The following GPC5 variants were observed in gnomAD, a reference collection of about 807,000 sequenced individuals.
The protein encoded by GPC5 is glypican-5.
In GPC5, 47 loss-of-function variants were observed where a neutral mutation model predicts 53.9. That is an observed-to-expected ratio of 0.87 (90% CI 0.69 to 1.11). GPC5 has a LOEUF of 1.11. GPC5 is among the 50% of genes most tolerant of loss of function. GPC5 has a pLI of 0.00. For missense variants in GPC5, 748 were observed against 713.1 expected, an observed-to-expected ratio of 1.05 and a Z score of -0.56; for synonymous variants, 286 against 263.3, an observed-to-expected ratio of 1.09 and a Z score of -0.84.
intron 7 of GPC5, among the ~76,000 whole-genome samples, chr13:92,201,679 A>G (rs1448909393): frequency 6.6e-6 from 1 of 152,192 alleles, no homozygotes; most frequent in Non-Finnish European, 1.5e-5. Context: ...TTCAGGTACA[A>G]TGCAACTACA....
intron 2 of GPC5, among the ~76,000 whole-genome samples, chr13:91,622,644 G>T (rs751020978): frequency 4.6e-5 from 7 of 152,134 alleles, no homozygotes. Flanking sequence ...TTGCACAGCA[G>T]TACACATGCC....
chr13:92,555,039 A>T (rs1273441863), intron 7 of GPC5, among the ~76,000 whole-genome samples: 2 of 151,166 alleles, frequency 1.3e-5, no homozygotes, highest in Admixed American at 1.3e-4. Flanking sequence ...CTTTTTCAAG[A>T]TTATAAAAAT....
chr13:92,864,457 A>G (rs1380158900), intron 7 of GPC5, among the ~76,000 whole-genome samples: 1 of 152,178 alleles, frequency 6.6e-6, no homozygotes, highest in Non-Finnish European at 1.5e-5. Flanking sequence ...TAAGCTCAGA[A>G]TGGCATAAGA....
chr13:92,695,511 G>T (rs1369687388), intron 7 of GPC5, among the ~76,000 whole-genome samples: 3 of 149,534 alleles, frequency 2.0e-5, no homozygotes, highest in African/African-American at 4.9e-5. Flanking sequence ...ATTTATATCT[G>T]TTTTTTTTTC....
At chr13:92,762,953 TC>T (rs1875246150) in intron 7 of GPC5, among the ~76,000 whole-genome samples, 1 of 152,030 alleles carries the variant, frequency 6.6e-6, no homozygotes, top group South Asian at 2.1e-4. Flanking sequence ...GATTTCTGTT[TC>T]CTTTTTTTTT....
chr13:92,580,978 T>G (rs921330465), intron 7 of GPC5, among the ~76,000 whole-genome samples: 1 of 152,212 alleles, frequency 6.6e-6, no homozygotes, highest in African/African-American at 2.4e-5. Flanking sequence ...ATATTTATAT[T>G]GTACAATATG....
chr13:92,415,125 A>C (rs1156492800), intron 7 of GPC5, among the ~76,000 whole-genome samples: 1 of 152,200 alleles, frequency 6.6e-6, no homozygotes, highest in African/African-American at 2.4e-5. Context: ...AGATGCGAGA[A>C]ACATAAAGCT....
At chr13:92,421,698 C>CAAAAAAAAAAAAAAAAAAAAA (rs34055682) in intron 7 of GPC5, among the ~76,000 whole-genome samples, 9 of 69,484 alleles carry the variant, frequency 1.3e-4, no homozygotes, top group African/African-American at 5.6e-4. Flanking sequence ...GACTCCGTCT[C>CAAAAAAAAAAAAAAAAAAAAA]AAAAAAAAAA....
At chr13:91,437,279 G>C (rs982675586) in intron 1 of GPC5, among the ~76,000 whole-genome samples, 1 of 152,168 alleles carries the variant, frequency 6.6e-6, no homozygotes, top group Non-Finnish European at 1.5e-5. Context: ...TTTCTTCCTA[G>C]CCTCGATGGT....
At position 91,749,156 on chromosome 13, in the gene GPC5, A is replaced by C. The variant is rs866866410; in HGVS notation, c.1155-7139A>C. ...CATCCAAATAGTGTACATTGTACCC[A>C]TTTTGCATACCTCACCCCACTTCCA... On this transcript the variant is annotated intron_variant, in intron 4 of 7. Transcript: ENST00000377067. Among the ~76,000 whole-genome samples, 34 of 152,160 alleles carry C rather than the reference A, an allele frequency of 2.2e-4. 2 individuals carry two copies. The Middle Eastern group carries it at 0.024, about 107-fold the overall frequency.
chr13:91,924,112 G>A (rs908635888), intron 6 of GPC5, among the ~76,000 whole-genome samples: 1 of 151,952 alleles, frequency 6.6e-6, no homozygotes, highest in Non-Finnish European at 1.5e-5. Context: ...ATTCTTCAGC[G>A]TTTCAAAAAT....
chr13:91,919,446 T>C (rs1362648235), intron 6 of GPC5, among the ~76,000 whole-genome samples: 2 of 152,232 alleles, frequency 1.3e-5, no homozygotes. Context: ...AGACTGTTGA[T>C]GGACTGATCA....
intron 2 of GPC5, among the ~76,000 whole-genome samples, chr13:91,586,000 C>A (rs887950168): frequency 7.3e-6 from 1 of 137,086 alleles, no homozygotes; most frequent in Non-Finnish European, 1.6e-5. Flanking sequence ...TGGTGTACAA[C>A]CCCCCACCCC....
chr13:91,512,113 G>C (rs11841625), intron 2 of GPC5, among the ~76,000 whole-genome samples: 4,151 of 152,206 alleles, frequency 0.027, 179 homozygotes, highest in African/African-American at 0.092. Context: ...AACAGATCAG[G>C]ATCTTTTCAT....
chr13:91,507,423 G>T (rs911986270), intron 2 of GPC5, among the ~76,000 whole-genome samples: 14 of 152,172 alleles, frequency 9.2e-5, no homozygotes, highest in Non-Finnish European at 1.5e-4. Flanking sequence ...TAACAATCAT[G>T]GCGGAAGGCA....
chr13:91,702,833 G>A (rs939824790), intron 3 of GPC5, among the ~76,000 whole-genome samples: 2 of 151,876 alleles, frequency 1.3e-5, no homozygotes, highest in Admixed American at 6.6e-5. Flanking sequence ...AGTTTTCAGT[G>A]TACATATCTT....
intron 7 of GPC5, among the ~76,000 whole-genome samples, chr13:92,664,832 A>T (rs977438258): frequency 6.6e-6 from 1 of 152,164 alleles, no homozygotes; most frequent in African/African-American, 2.4e-5. Flanking sequence ...AATAATTTAC[A>T]CTAAGAATCA....
At chr13:92,212,925 C>A (rs2042385270) in intron 7 of GPC5, among the ~76,000 whole-genome samples, 1 of 152,198 alleles carries the variant, frequency 6.6e-6, no homozygotes, top group Non-Finnish European at 1.5e-5. Flanking sequence ...CATCCTTAGG[C>A]TCTATCACCA....
At chr13:91,707,320 G>T (rs1032736718) in intron 3 of GPC5, among the ~76,000 whole-genome samples, 1 of 152,216 alleles carries the variant, frequency 6.6e-6, no homozygotes, top group Non-Finnish European at 1.5e-5. Context: ...GAGTAGGTTG[G>T]CTATATTTAA....
Sources: allele counts gnomAD v4.1 joint callset (sites outside exome capture counted in the v4.1 genomes callset), GRCh38; gene constraint gnomAD v4.1.1; transcripts MANE v1.5; gene names NCBI Gene and HGNC (gene_info 2026-07-23, HGNC 2026-07-21).